Variants in MAF observed in about 807,000 individuals in gnomAD.
MAF encodes the protein transcription factor Maf.
MAF carries 10 observed loss-of-function variants against 22.0 expected under a neutral mutation model. That is an observed-to-expected ratio of 0.45 (90% CI 0.28 to 0.77). MAF has a LOEUF of 0.77. Among genes scored for constraint, MAF ranks in the 30% least tolerant of loss-of-function variants. The probability of loss-of-function intolerance (pLI) is 0.12; values close to 1 mark genes in which losing one functional copy is unlikely to be tolerated. For missense variants in MAF, 544 were observed against 548.4 expected (o/e 0.99, Z 0.08); for synonymous variants, 337 against 255.8 (o/e 1.32, Z -3.03).
chr16:79,469,173 G>A, the MAF span, among the ~76,000 whole-genome samples: 2 of 152,136 alleles, frequency 1.3e-5, no homozygotes, highest in Non-Finnish European at 2.9e-5. Context: ...TGTAAATACA[G>A]TTTTATTGGA....
the MAF span, among the ~76,000 whole-genome samples, chr16:79,564,394 A>G: frequency 6.6e-6 from 1 of 152,244 alleles, no homozygotes; most frequent in African/African-American, 2.4e-5. Context: ...TTATAGCCGA[A>G]TAAGGTCAAC....
the MAF span, among the ~76,000 whole-genome samples, chr16:79,493,391 A>T: frequency 6.6e-6 from 1 of 152,164 alleles, no homozygotes; most frequent in African/African-American, 2.4e-5. Context: ...TATCTTGGCC[A>T]GGCTGCTCTT....
chr16:79,435,222 A>G, the MAF span, among the ~76,000 whole-genome samples: 1 of 151,394 alleles, frequency 6.6e-6, no homozygotes, highest in East Asian at 1.9e-4. Flanking sequence ...ATGTACACAC[A>G]CATACAAGCA....
chr16:79,497,245 A>C, the MAF span, among the ~76,000 whole-genome samples: 1 of 152,182 alleles, frequency 6.6e-6, no homozygotes, highest in Non-Finnish European at 1.5e-5. Context: ...AAGCAATAAT[A>C]CAGAAGAAAA....
chr16:79,514,467 G>C, the MAF span, among the ~76,000 whole-genome samples: 1 of 152,098 alleles, frequency 6.6e-6, no homozygotes, highest in African/African-American at 2.4e-5. Context: ...ATTCCAAAGG[G>C]GGACATCCCA....
chr16:79,415,127 T>C, the MAF span, among the ~76,000 whole-genome samples: 3 of 152,254 alleles, frequency 2.0e-5, no homozygotes, highest in East Asian at 5.8e-4. Context: ...AGAGCAGCTC[T>C]AACATTGTCC....
the MAF span, among the ~76,000 whole-genome samples, chr16:79,575,073 G>T: frequency 0.013 from 1,950 of 151,022 alleles, 50 homozygotes; most frequent in African/African-American, 0.045. Context: ...GCCACTAAAG[G>T]TTCTTGATTC....
At chr16:79,251,422 TCTC>T in the MAF span, among the ~76,000 whole-genome samples, 2 of 151,000 alleles carry the variant, frequency 1.3e-5, no homozygotes, top group Non-Finnish European at 2.9e-5. Context: ...TTCAAGCAAT[TCTC>T]CTGCGTCAGC....
chr16:79,354,381 T>A, the MAF span, among the ~76,000 whole-genome samples: 1 of 151,910 alleles, frequency 6.6e-6, no homozygotes, highest in Non-Finnish European at 1.5e-5. Flanking sequence ...AGAAACCTAG[T>A]TCCTGGAATG....
At chr16:79,210,474 A>C in the MAF span, among the ~76,000 whole-genome samples, 1 of 152,130 alleles carries the variant, frequency 6.6e-6, no homozygotes, top group African/African-American at 2.4e-5. Flanking sequence ...TCGGGTCGGA[A>C]AGCCATTTCC....
At chr16:79,385,922 A>C in the MAF span, among the ~76,000 whole-genome samples, 1 of 152,222 alleles carries the variant, frequency 6.6e-6, no homozygotes, top group Non-Finnish European at 1.5e-5. Context: ...AAACAAAAAA[A>C]CAAAATAAAA....
At chr16:79,523,638 C>A in the MAF span, among the ~76,000 whole-genome samples, 5 of 152,146 alleles carry the variant, frequency 3.3e-5, no homozygotes, top group African/African-American at 1.2e-4. Context: ...GCGAGATAAG[C>A]TGATTCTGGA....
the MAF span, among the ~76,000 whole-genome samples, chr16:79,249,912 A>T: frequency 6.6e-6 from 1 of 152,318 alleles, no homozygotes; most frequent in East Asian, 1.9e-4. Context: ...CCAGTGCCTG[A>T]TGCAAAGCAG....
the MAF span, among the ~76,000 whole-genome samples, chr16:79,393,083 C>T: frequency 1.3e-5 from 2 of 152,208 alleles, no homozygotes; most frequent in East Asian, 1.9e-4. Flanking sequence ...CCTTTGCTCC[C>T]GTCTCCCTGG....
chr16:79,331,915 G>A, the MAF span, among the ~76,000 whole-genome samples: 1 of 152,142 alleles, frequency 6.6e-6, no homozygotes, highest in East Asian at 1.9e-4. Context: ...CCAGTACAGT[G>A]GCATCCTATC....
At chr16:79,247,150 G>A in the MAF span, among the ~76,000 whole-genome samples, 1 of 152,174 alleles carries the variant, frequency 6.6e-6, no homozygotes, top group Non-Finnish European at 1.5e-5. Context: ...AGCAAGCTGC[G>A]AATGAAAAGA....
chr16:79,371,802 C>T, the MAF span, among the ~76,000 whole-genome samples: 4 of 152,220 alleles, frequency 2.6e-5, no homozygotes, highest in Non-Finnish European at 5.9e-5. Flanking sequence ...CCAACAGCTT[C>T]GCTTTAGAGA....
In MAF at chr16:79,600,006, GGCTGGGGCGCTTCTAGCTTGCGCGGC is replaced by G. The variant is rs930666212; in HGVS notation, c.-130_-105del. ...GGCCAGCGGGTGAGCCAGCTTGCCG[GGCTGGGGCGCTTCTAGCTTGCGCGGC>G]GGTGGCTGGCCCGAAACCTCCGAGC... is the stretch of plus-strand genomic sequence containing the variant. On this transcript the variant is annotated 5_prime_UTR_variant, in exon 1 of 2. Transcript: ENST00000326043. 2.0e-6 allele frequency: 3 copies of G among 1,525,850 alleles called. No individual in the cohort carries two copies. The highest frequency in any genetic ancestry group is 2.7e-6 in the Non-Finnish European group (3 of 1,125,068). The allele number at this position is 1,525,850 out of a possible 1,614,324, so 94.5% of individuals were successfully genotyped here.
At chr16:79,272,116 G>C in the MAF span, among the ~76,000 whole-genome samples, 1 of 152,194 alleles carries the variant, frequency 6.6e-6, no homozygotes, top group Non-Finnish European at 1.5e-5. Context: ...CCTTTGCCTA[G>C]TGGGCAGCAG....
Sources: gnomAD v4.1 joint callset for allele counts (sites outside exome capture counted in the v4.1 genomes callset) on GRCh38, gnomAD v4.1.1 for gene constraint, MANE v1.5 for transcripts, NCBI Gene and HGNC (gene_info 2026-07-23, HGNC 2026-07-21) for gene names.